The following ABLIM1 variants were observed in gnomAD, a reference collection of about 807,000 sequenced individuals.
The protein encoded by ABLIM1 is actin-binding LIM protein 1.
A neutral mutation model predicts 107.0 loss-of-function variants in ABLIM1; 40 were observed. The observed-to-expected ratio is 0.37, with a 90% confidence interval of 0.29 to 0.49. The LOEUF (loss-of-function observed/expected upper bound fraction) is 0.49, where lower values mean the gene tolerates loss of function less well. Ranked by LOEUF, ABLIM1 falls within the 20% of genes least tolerant of loss-of-function variation. The pLI is 0.97. For synonymous variants in ABLIM1, 357 were observed against 357.3 expected, an observed-to-expected ratio of 1.00 and a Z score of 0.01; for missense variants, 857 against 1,008.5, an observed-to-expected ratio of 0.85 and a Z score of 2.04.
intron 1 of ABLIM1, among the ~76,000 whole-genome samples, chr10:114,706,845 T>C (rs1485885758): frequency 6.6e-6 from 1 of 151,988 alleles, no homozygotes; most frequent in Non-Finnish European, 1.5e-5. Flanking sequence ...TGTTTCAGTT[T>C]TCTTCTACTT....
At chr10:114,709,575 T>G (rs1190542881) in intron 1 of ABLIM1, among the ~76,000 whole-genome samples, 1 of 152,226 alleles carries the variant, frequency 6.6e-6, no homozygotes, top group Non-Finnish European at 1.5e-5. Context: ...TGAGATTGTT[T>G]TATGTAAACC....
intron 1 of ABLIM1, among the ~76,000 whole-genome samples, chr10:114,751,807 G>A (rs1266847812): frequency 6.6e-6 from 1 of 151,886 alleles, no homozygotes; most frequent in Non-Finnish European, 1.5e-5. Flanking sequence ...TCATGCACAG[G>A]GGGGAAATGG....
chr10:114,451,721 A>G, intron 13 of ABLIM1, 50 bp from the exon 14 acceptor site: 2 of 1,507,374 alleles, frequency 1.3e-6, no homozygotes, highest in East Asian at 4.6e-5. Context: ...CAGTTCAGCG[A>G]TGGGAAAAAC....
chr10:114,752,022 C>T (rs2082525556), intron 1 of ABLIM1, among the ~76,000 whole-genome samples: 1 of 152,194 alleles, frequency 6.6e-6, no homozygotes, highest in Non-Finnish European at 1.5e-5. Flanking sequence ...CAACCCTTTG[C>T]TCAAGTAACA....
chr10:114,532,115 T>C (rs2065513856), intron 6 of ABLIM1, among the ~76,000 whole-genome samples: 1 of 152,188 alleles, frequency 6.6e-6, no homozygotes, highest in Non-Finnish European at 1.5e-5. Context: ...GCACCTGGCC[T>C]GTATCAGTTC....
intron 1 of ABLIM1, among the ~76,000 whole-genome samples, chr10:114,678,933 G>A (rs1415782658): frequency 1.3e-5 from 2 of 152,090 alleles, no homozygotes; most frequent in Admixed American, 1.3e-4. Context: ...TAGAAGCTAT[G>A]GTGGATTATA....
intron 12 of ABLIM1, among the ~76,000 whole-genome samples, chr10:114,462,099 GA>G (rs1170507350): frequency 6.6e-6 from 1 of 152,144 alleles, no homozygotes; most frequent in African/African-American, 2.4e-5. Flanking sequence ...TGAGCACAAA[GA>G]AAAAGCTTCG....
intron 6 of ABLIM1, among the ~76,000 whole-genome samples, chr10:114,531,220 T>C (rs1413603520): frequency 6.6e-6 from 1 of 152,216 alleles, no homozygotes; most frequent in Non-Finnish European, 1.5e-5. Context: ...TTCCAAATAT[T>C]GGGCTTTTAC....
chr10:114,768,075 G>GT (rs2082949452), upstream of ABLIM1: 1 of 429,956 alleles, frequency 2.3e-6, no homozygotes, highest in African/African-American at 2.1e-5. Flanking sequence ...GGCGGACATG[G>GT]TGCAGGCAGC....
intron 1 of ABLIM1, among the ~76,000 whole-genome samples, chr10:114,732,384 T>C: frequency 6.6e-6 from 1 of 152,088 alleles, no homozygotes; most frequent in East Asian, 1.9e-4. Context: ...GAAAGGTCTA[T>C]TCAAGTCCCT....
intron 1 of ABLIM1, among the ~76,000 whole-genome samples, chr10:114,608,037 A>AT (rs1175601004): frequency 3.3e-5 from 5 of 152,114 alleles, no homozygotes; most frequent in Non-Finnish European, 5.9e-5. Flanking sequence ...TATCTTCTCA[A>AT]TTTTTTTTAT....
intron 1 of ABLIM1, among the ~76,000 whole-genome samples, chr10:114,645,448 T>C (rs1009231993): frequency 2.6e-5 from 4 of 152,234 alleles, no homozygotes; most frequent in African/African-American, 9.6e-5. Context: ...TGCTTTTAAG[T>C]TTTCCTCGCA....
intron 11 of ABLIM1, among the ~76,000 whole-genome samples, chr10:114,467,316 T>C (rs567223792): frequency 4.6e-5 from 7 of 152,000 alleles, no homozygotes; most frequent in African/African-American, 1.7e-4. Flanking sequence ...GTTGAAAGAG[T>C]ACAAAGAATA....
chr10:114,648,758 C>T (rs74158027), intron 1 of ABLIM1, among the ~76,000 whole-genome samples: 3,241 of 152,204 alleles, frequency 0.021, 100 homozygotes, highest in African/African-American at 0.074. Flanking sequence ...GAAGAAACCA[C>T]GGAAACAACT....
intron 8 of ABLIM1, among the ~76,000 whole-genome samples, chr10:114,482,330 C>T (rs1231438599): frequency 1.3e-5 from 2 of 152,132 alleles, no homozygotes; most frequent in Non-Finnish European, 2.9e-5. Context: ...ATATAGATAA[C>T]AAAAATGACT....
chr10:114,748,866 T>C (rs368884655), intron 1 of ABLIM1, among the ~76,000 whole-genome samples: 2 of 151,978 alleles, frequency 1.3e-5, no homozygotes, highest in Non-Finnish European at 2.9e-5. Flanking sequence ...GGTCTCCCTA[T>C]GTTGCTATGT....
the ABLIM1 span, among the ~76,000 whole-genome samples, chr10:114,777,704 G>A: frequency 3.3e-4 from 51 of 152,286 alleles, no homozygotes; most frequent in African/African-American, 6.0e-4. Flanking sequence ...TTTATAATCT[G>A]TCAAGCCAGC....
chr10:114,605,136 TTAC>T (rs1273861073), intron 1 of ABLIM1, among the ~76,000 whole-genome samples: 5 of 152,242 alleles, frequency 3.3e-5, no homozygotes, highest in Non-Finnish European at 7.3e-5. Context: ...TGGGCTGTTC[TTAC>T]TAGAGAAGGG....
At chr10:114,657,870 T>C in intron 1 of ABLIM1, 87 bp downstream of exon 1, 3 of 1,149,082 alleles carry the variant, frequency 2.6e-6, no homozygotes, top group Admixed American at 2.1e-5. Flanking sequence ...GAAGAACACA[T>C]TACAGAAGAA....
Sources: allele counts gnomAD v4.1 joint callset (sites outside exome capture counted in the v4.1 genomes callset), GRCh38; gene constraint gnomAD v4.1.1; transcripts MANE v1.5; gene names NCBI Gene and HGNC (gene_info 2026-07-23, HGNC 2026-07-21).